PTGER3: variants seen among roughly 807,000 people sequenced by gnomAD.
The protein encoded by PTGER3 is prostaglandin E receptor 3.
PTGER3 carries 22 observed loss-of-function variants against 34.7 expected under a neutral mutation model. The observed-to-expected ratio is 0.63, with a 90% confidence interval of 0.45 to 0.91. The LOEUF is 0.91. Ranked by LOEUF, PTGER3 falls within the 40% of genes least tolerant of loss-of-function variation. PTGER3 has a pLI of 0.00. For synonymous variants in PTGER3, 241 were observed against 230.1 expected, an observed-to-expected ratio of 1.05 and a Z score of -0.43; for missense variants, 468 against 519.4, an observed-to-expected ratio of 0.90 and a Z score of 0.96.
At chr1:70,905,392 T>C (rs1646923911) in intron 4 of PTGER3, among the ~76,000 whole-genome samples, 4 of 152,020 alleles carry the variant, frequency 2.6e-5, no homozygotes, top group African/African-American at 9.7e-5. Context: ...GCCTGCACCA[T>C]GCACCTGGAA....
chr1:70,940,871 G>T (rs1413552199), intron 4 of PTGER3, among the ~76,000 whole-genome samples: 1 of 151,940 alleles, frequency 6.6e-6, no homozygotes, highest in Admixed American at 6.6e-5. Context: ...CTTGCATTTG[G>T]GTCTTAGATT....
At chr1:71,001,007 T>G (rs1656431673) in intron 2 of PTGER3, among the ~76,000 whole-genome samples, 1 of 152,108 alleles carries the variant, frequency 6.6e-6, no homozygotes, top group Non-Finnish European at 1.5e-5. Context: ...AATATATTAT[T>G]TAAAATTATG....
At chr1:70,969,259 G>A (rs754750067), downstream of PTGER3, among the ~76,000 whole-genome samples, 1 of 152,020 alleles carries the variant, frequency 6.6e-6, no homozygotes, top group African/African-American at 2.4e-5. Context: ...ATTCTCCCTG[G>A]ATGTAGACAT....
intron 1 of PTGER3, among the ~76,000 whole-genome samples, chr1:71,032,755 A>G (rs1389067478): frequency 6.6e-6 from 1 of 152,218 alleles, no homozygotes; most frequent in East Asian, 1.9e-4. Flanking sequence ...TATTTGCTTA[A>G]GCTAGTTTGC....
Position 71,036,387 on chromosome 1 carries a change from G to A in PTGER3, c.897+10294C>T, listed in dbSNP as rs566261149. Among the ~76,000 whole-genome samples the A allele has an allele frequency of 3.9e-5, 6 of 152,264 alleles. No homozygotes were observed. The South Asian group carries it at 1.2e-3, about 32-fold the overall frequency. On this transcript the variant is annotated intron_variant, in intron 1 of 3. Coordinates refer to ENST00000306666, the MANE Select transcript of PTGER3 (RefSeq NM_198719.2). ...AAAGGGAAAAACTGGGTATGGTGGTGCACAACTAATAGTACAACTATGCAG... is the reference window on the plus strand; with the variant it reads ...AAAGGGAAAAACTGGGTATGGTGGTACACAACTAATAGTACAACTATGCAG...
chr1:70,888,732 C>A (rs1343720536), intron 4 of PTGER3, among the ~76,000 whole-genome samples: 2 of 151,652 alleles, frequency 1.3e-5, no homozygotes, highest in Non-Finnish European at 2.9e-5. Flanking sequence ...AGAAACTAGG[C>A]TTTGGTTTGT....
intron 3 of PTGER3, among the ~76,000 whole-genome samples, chr1:70,972,400 G>C (rs933799360): frequency 5.3e-5 from 8 of 151,988 alleles, no homozygotes; most frequent in Non-Finnish European, 8.8e-5. Context: ...TTAGTATAAA[G>C]CAAATTTTTT....
At chr1:70,972,414 A>C (rs1572810507) in intron 3 of PTGER3, among the ~76,000 whole-genome samples, 1 of 152,164 alleles carries the variant, frequency 6.6e-6, no homozygotes, top group East Asian at 1.9e-4. Context: ...ATTTTTTCAC[A>C]CACGGTTGAT....
chr1:70,864,632 G>T (rs1199626057), intron 4 of PTGER3, among the ~76,000 whole-genome samples: 1 of 152,122 alleles, frequency 6.6e-6, no homozygotes, highest in Non-Finnish European at 1.5e-5. Flanking sequence ...AGATGAACAA[G>T]ACATAGTTCC....
chr1:70,906,482 T>C (rs1646950879), intron 4 of PTGER3, among the ~76,000 whole-genome samples: 1 of 149,720 alleles, frequency 6.7e-6, no homozygotes, highest in South Asian at 2.1e-4. Context: ...CCCAAATCAG[T>C]CATATAACTG....
Position 70,974,341 on chromosome 1 carries a change from G to C in PTGER3, c.1125C>G (p.Pro375=). The change falls in exon 3 of 4, where the codon CCC becomes CCG. Residue 375 remains proline (P), a synonymous_variant. Coordinates refer to ENST00000306666, the MANE Select transcript of PTGER3 (RefSeq NM_198719.2). The part of the protein sequence containing the change: ...NNYASSSTSL[P]CQCSSTLMWS... ...ACATCAAGGTTGAGGAACACTGGCAGGGTAAGGAGGTGGAGCTGGATGCAT... is the reference window on the plus strand; with the variant it reads ...ACATCAAGGTTGAGGAACACTGGCACGGTAAGGAGGTGGAGCTGGATGCAT... 2.1e-6 allele frequency: 3 copies of C among 1,438,022 alleles called. No individual in the cohort carries two copies. The highest frequency in any genetic ancestry group is 2.9e-6 in the Non-Finnish European group (3 of 1,019,724). The allele number at this position is 1,438,022 out of a possible 1,614,324, so 89.1% of individuals were successfully genotyped here. A position where few individuals can be genotyped will look rare whatever the true frequency, so the allele number is the denominator to read the frequency against.
chr1:71,012,135 C>A (rs1362648273), intron 2 of PTGER3, 170 bp downstream of exon 2: 1 of 1,523,442 alleles, frequency 6.6e-7, no homozygotes, highest in Non-Finnish European at 8.7e-7. Context: ...CAGTGGCATG[C>A]CAGAGATGCC....
intron 2 of PTGER3, chr1:70,998,208 A>G (rs150904221): frequency 8.5e-5 from 13 of 152,376 alleles, no homozygotes; most frequent in African/African-American, 3.1e-4. Context: ...ATTTGAAAGA[A>G]TATTAATCAA....
chr1:71,022,849 A>G lies in PTGER3; in HGVS notation c.898-10365T>C, dbSNP rs1392636829. Among the ~76,000 whole-genome samples, 4 of 151,622 alleles carry G rather than the reference A, an allele frequency of 2.6e-5. No homozygotes were observed. In the East Asian group the frequency reaches 7.7e-4, roughly 29 times the overall value. On this transcript the variant is annotated intron_variant, in intron 1 of 3. Transcript: ENST00000306666. ...TCCATTCTTTCCTTCCTCTTATTTG[A>G]CTGGAAGAGGTGTCCTGTCTATCTA...
downstream of PTGER3, among the ~76,000 whole-genome samples, chr1:70,970,045 T>A (rs1652922588): frequency 6.6e-6 from 1 of 152,168 alleles, no homozygotes; most frequent in South Asian, 2.1e-4. Context: ...AAACTCATGC[T>A]TCTGTTACCA....
chr1:70,887,232 G>A (rs1646517433), intron 4 of PTGER3, among the ~76,000 whole-genome samples: 1 of 152,152 alleles, frequency 6.6e-6, no homozygotes, highest in South Asian at 2.1e-4. Flanking sequence ...AAATTCTACA[G>A]AATACTGCTA....
chr1:71,012,857 A>G (rs867202088), intron 1 of PTGER3, among the ~76,000 whole-genome samples: 1 of 152,212 alleles, frequency 6.6e-6, no homozygotes, highest in Non-Finnish European at 1.5e-5. Flanking sequence ...AAACATCTTA[A>G]TCTTAAATTT....
chr1:70,926,395 C>A (rs140927719), intron 4 of PTGER3, among the ~76,000 whole-genome samples: 2 of 152,154 alleles, frequency 1.3e-5, no homozygotes, highest in African/African-American at 4.8e-5. Context: ...AGGTCCTTCA[C>A]GTCCCTTGTA....
chr1:70,914,611 T>C (rs1298397638), intron 4 of PTGER3, among the ~76,000 whole-genome samples: 2 of 152,060 alleles, frequency 1.3e-5, no homozygotes, highest in East Asian at 3.9e-4. Context: ...AATATGTGAT[T>C]ATATCTCTGA....
Sources: gnomAD v4.1 joint callset for allele counts (sites outside exome capture counted in the v4.1 genomes callset) on GRCh38, gnomAD v4.1.1 for gene constraint, MANE v1.5 for transcripts, NCBI Gene and HGNC (gene_info 2026-07-23, HGNC 2026-07-21) for gene names.